Variants in FBXL22 observed in about 807,000 individuals in gnomAD.
FBXL22 encodes F-box and leucine-rich protein 22.
FBXL22 carries 13 observed loss-of-function variants against 11.7 expected under a neutral mutation model. That is an observed-to-expected ratio of 1.11 (90% CI 0.73 to 1.77). FBXL22 has a LOEUF of 1.77. FBXL22 is among the 40% of genes most tolerant of loss of function. FBXL22 has a pLI of 0.00. For missense variants in FBXL22, 406 were observed against 320.4 expected (o/e 1.27, Z -2.04); for synonymous variants, 160 against 144.1 (o/e 1.11, Z -0.79).
chr15:63,601,422 C>A, downstream of FBXL22: 2 of 1,588,662 alleles, frequency 1.3e-6, no homozygotes, highest in Non-Finnish European at 1.7e-6. Flanking sequence ...CCGACTTGCG[C>A]TCGGGGGTGA....
downstream of FBXL22, among the ~76,000 whole-genome samples, chr15:63,605,107 G>C (rs985904274): frequency 2.6e-5 from 4 of 152,064 alleles, no homozygotes; most frequent in African/African-American, 9.7e-5. Flanking sequence ...TTCAAACTTA[G>C]GTTAGCATAT....
chr15:63,601,538 G>T (rs1230514025), downstream of FBXL22: 3 of 1,557,838 alleles, frequency 1.9e-6, no homozygotes, highest in South Asian at 1.2e-5. Flanking sequence ...CCACCTCCAG[G>T]AGCCCCGGTG....
At chr15:63,599,295 G>A in intron 1 of FBXL22, 1 of 1,486,448 alleles carries the variant, frequency 6.7e-7, no homozygotes, top group Non-Finnish European at 8.9e-7. Flanking sequence ...TCCGCTCTTT[G>A]TTTTTTCCCT....
chr15:63,597,513 G>T lies in FBXL22; in HGVS notation c.121G>T (p.Asp41Tyr), dbSNP rs745537862. The change falls in exon 1 of 2, where the codon GAC becomes TAC. Residue 41 changes from aspartate (D) to tyrosine (Y), a missense_variant. Physicochemically the swap from Asp to Tyr is radical, Grantham distance 160. Transcript: ENST00000638704. The surrounding 1 kb of genome is among the most constrained non-coding windows in gnomAD (Gnocchi z 4.3). ...SLARTCSQLH[D>Y]VFEDPALWSL... ...TGCCAGGACCTGCTCCCAGCTCCAC[G>T]ACGTGTTTGAGGACCCCGCACTCTG... is the stretch of plus-strand genomic sequence containing the variant. 1 of 1,613,974 alleles carries T rather than the reference G, an allele frequency of 6.2e-7. No homozygotes were observed. The highest frequency in any genetic ancestry group is 1.3e-5 in the African/African-American group (1 of 74,888).
rs2067355237 is a variant in FBXL22 at position 63,600,760 on chromosome 15, G to GCGCCTGCTGCGCTGCTGCCCA, written c.425_445dup (p.Leu142_Leu148dup). The GCGCCTGCTGCGCTGCTGCCCA allele has an allele frequency of 8.1e-7, 1 of 1,231,436 alleles. No individual in the cohort carries two copies. The highest frequency in any genetic ancestry group is 1.5e-5 in the African/African-American group (1 of 64,522). The allele number at this position is 1,231,436 out of a possible 1,614,324, so 76.3% of individuals were successfully genotyped here. A position where few individuals can be genotyped will look rare whatever the true frequency, so the allele number is the denominator to read the frequency against. On this transcript the variant is annotated inframe_insertion, in exon 2 of 2. Coordinates refer to ENST00000638704, the MANE Select transcript of FBXL22 (RefSeq NM_001367807.1). ...GCCACGTTACCGACGACTGCCTGGC[G>GCGCCTGCTGCGCTGCTGCCCA]CGCCTGCTGCGCTGCTGCCCACGCC... is the stretch of plus-strand genomic sequence containing the variant.
chr15:63,603,728 A>G (rs2067398937), downstream of FBXL22, among the ~76,000 whole-genome samples: 1 of 152,218 alleles, frequency 6.6e-6, no homozygotes, highest in Non-Finnish European at 1.5e-5. Flanking sequence ...CTTACTCCAG[A>G]AACAGGGTAG....
downstream of FBXL22, among the ~76,000 whole-genome samples, chr15:63,605,868 A>G (rs957975301): frequency 6.6e-6 from 1 of 152,184 alleles, no homozygotes; most frequent in African/African-American, 2.4e-5. Flanking sequence ...ACCACGTTGC[A>G]CTGGTCTGCA....
chr15:63,598,310 G>T (rs1053061707), intron 1 of FBXL22, among the ~76,000 whole-genome samples: 1 of 152,200 alleles, frequency 6.6e-6, no homozygotes, highest in Non-Finnish European at 1.5e-5. Flanking sequence ...GCTCCACGAG[G>T]TGGTATGATT....
rs1335668837 is a variant in FBXL22, at chr15:63,597,770, G to C, written c.353+25G>C. ...GGTAGGCCACCTTGCCTCCTGAGCA[G>C]TGCTGGCCCCGCTAGCTCTGGCTTC... is the stretch of plus-strand genomic sequence containing the variant. On this transcript the variant is annotated intron_variant, in intron 1 of 1. Coordinates refer to ENST00000638704, the MANE Select transcript of FBXL22 (RefSeq NM_001367807.1). This position sits in a 1 kb window ranked among gnomAD's most constrained non-coding sequence, Gnocchi z 4.3. 1.3e-6 allele frequency: 2 copies of C among 1,540,434 alleles called. No homozygotes were observed. The highest frequency in any genetic ancestry group is 2.4e-5 in the South Asian group (2 of 82,228).
chr15:63,599,485 C>T, intron 1 of FBXL22: 2 of 1,207,300 alleles, frequency 1.7e-6, no homozygotes, highest in South Asian at 5.6e-5. Context: ...AAGTCACCAG[C>T]CAGTCACCTG....
At chr15:63,605,752 G>GT (rs1292009966), downstream of FBXL22, among the ~76,000 whole-genome samples, 2 of 152,234 alleles carry the variant, frequency 1.3e-5, no homozygotes, top group African/African-American at 4.8e-5. Context: ...TCTTTCTAAG[G>GT]TTTGGCCAAG....
At chr15:63,601,256 A>G, downstream of FBXL22, 1 of 1,527,116 alleles carries the variant, frequency 6.5e-7, no homozygotes, top group Non-Finnish European at 8.7e-7. Context: ...GCTGGTTCTC[A>G]CTCAACACCA....
chr15:63,606,728 A>ACT (rs58241365), downstream of FBXL22, among the ~76,000 whole-genome samples: 94,587 of 151,794 alleles, frequency 0.62, 31,197 homozygotes, highest in Non-Finnish European at 0.74. Context: ...AGGAAATAAC[A>ACT]GTTTCTGGCA....
downstream of FBXL22, chr15:63,601,323 G>A (rs1218002542): frequency 9.4e-6 from 15 of 1,595,088 alleles, no homozygotes; most frequent in African/African-American, 1.4e-5. Flanking sequence ...CCCCACGGAG[G>A]CGGGAGGCGC....
downstream of FBXL22, among the ~76,000 whole-genome samples, chr15:63,607,311 C>G (rs1386976202): frequency 6.6e-6 from 1 of 152,234 alleles, no homozygotes; most frequent in Non-Finnish European, 1.5e-5. Context: ...TCCCAAAGTG[C>G]TGGGATTACA....
chr15:63,606,035 C>T (rs995511984), downstream of FBXL22, among the ~76,000 whole-genome samples: 1 of 152,188 alleles, frequency 6.6e-6, no homozygotes, highest in African/African-American at 2.4e-5. Flanking sequence ...GATGAGTGTT[C>T]GGAGGGGAAG....
In FBXL22 at chr15:63,601,081, A is replaced by G. The variant is rs1433297705; in HGVS notation, c.*42A>G. Reference sequence around the variant, plus strand: ...GCCCCCGGGGAAGGAGCGCAGCCCCAGACCGTCCTGGCTTCGAACCCAGCT... The same window carrying G: ...GCCCCCGGGGAAGGAGCGCAGCCCCGGACCGTCCTGGCTTCGAACCCAGCT... On this transcript the variant is annotated 3_prime_UTR_variant, in exon 2 of 2. Coordinates refer to ENST00000638704, the MANE Select transcript of FBXL22 (RefSeq NM_001367807.1). The G allele has an allele frequency of 1.1e-4, 140 of 1,268,602 alleles. No homozygotes were observed. The highest frequency in any genetic ancestry group is 1.3e-4 in the Non-Finnish European group (136 of 1,008,704). 78.6% of individuals were successfully genotyped at this position (1,268,602 alleles called of 1,614,324 possible). A position where few individuals can be genotyped will look rare whatever the true frequency, so the allele number is the denominator to read the frequency against.
In FBXL22 at chr15:63,597,586, T is replaced by G. The variant is rs773576973; in HGVS notation, c.194T>G (p.Phe65Cys). The G allele has an allele frequency of 8.1e-6, 13 of 1,614,076 alleles. 1 individual carries two copies. The South Asian group carries it at 1.4e-4, about 18-fold the overall frequency. ...CTCACTGAACTCCAGAAGGACAACT[T>G]CCTCCTGGGCCCGGCACTCCGCAGC... ...RSLTELQKDNFLLGPALRSLS... is the reference protein window; with the variant it reads ...RSLTELQKDNCLLGPALRSLS... The change falls in exon 1 of 2, where the codon TTC (phenylalanine) becomes TGC (cysteine). Residue 65 changes from phenylalanine to cysteine, a missense_variant. Phe to Cys is a radical substitution (Grantham distance 205). Transcript: ENST00000638704. The surrounding 1 kb of genome is among the most constrained non-coding windows in gnomAD (Gnocchi z 4.3).
Position 63,600,891 on chromosome 15 carries a change from G to T in FBXL22, c.548G>T (p.Arg183Leu). 4 of 1,225,082 alleles carry T rather than the reference G, an allele frequency of 3.3e-6. No homozygotes were observed. Among genetic ancestry groups the T allele is most frequent in the Non-Finnish European group, 4.1e-6 (4 of 983,462 alleles). The allele number at this position is 1,225,082 out of a possible 1,614,324, so 75.9% of individuals were successfully genotyped here. The change falls in exon 2 of 2, where the codon CGC (arginine) becomes CTC (leucine). Residue 183 changes from arginine to leucine, a missense_variant. By Grantham distance (102) the Arg-to-Leu change is moderately radical. Transcript: ENST00000638704. The stretch of plus-strand genomic sequence containing the variant: ...CAGACATTGCACGTGGACTTCTGCC[G>T]CAACGTGAGCGCGGCCGGCCTGCGC... The part of the protein sequence containing the change: ...ALQTLHVDFC[R>L]NVSAAGLRRL...
Sources: allele counts gnomAD v4.1 joint callset (sites outside exome capture counted in the v4.1 genomes callset), GRCh38; gene constraint gnomAD v4.1.1; non-coding constraint Gnocchi (gnomAD v3.1); transcripts MANE v1.5; gene names NCBI Gene and HGNC (gene_info 2026-07-23, HGNC 2026-07-21).